The following BICC1 variants were observed in gnomAD, a reference collection of about 807,000 sequenced individuals.
BICC1 encodes the protein protein bicaudal C homolog 1.
In BICC1, 43 loss-of-function variants were observed where a neutral mutation model predicts 111.0. The ratio of observed to expected loss-of-function variants is 0.39; its 90% confidence interval spans 0.30 to 0.50. BICC1 has a LOEUF of 0.50. Among genes scored for constraint, BICC1 ranks in the 20% least tolerant of loss-of-function variants. BICC1 has a pLI of 0.88. For missense variants in BICC1, 1,091 were observed against 1,203.2 expected (o/e 0.91, Z 1.38); for synonymous variants, 467 against 434.4 (o/e 1.07, Z -0.93).
intron 1 of BICC1, among the ~76,000 whole-genome samples, chr10:58,548,615 A>G (rs1028563015): frequency 6.6e-6 from 1 of 152,198 alleles, no homozygotes; most frequent in Non-Finnish European, 1.5e-5. Context: ...TAAAAATCCA[A>G]TGTGCTATAT....
At chr10:58,681,603 A>C (rs1326568289) in intron 2 of BICC1, among the ~76,000 whole-genome samples, 1 of 152,206 alleles carries the variant, frequency 6.6e-6, no homozygotes, top group Non-Finnish European at 1.5e-5. Flanking sequence ...GGGATTCCTC[A>C]AGGATCTAGA....
chr10:58,660,708 T>G lies in BICC1; in HGVS notation c.237+39807T>G, dbSNP rs538471516. 2.6e-5 allele frequency among the ~76,000 whole-genome samples: 4 copies of G among 152,236 alleles called. No homozygotes were observed. The East Asian group carries it at 7.8e-4, about 30-fold the overall frequency. ...GTACCCTCCCATTACCTCCCTTCCT[T>G]GGCTACCAGTCTCATAGGACTGATG... On this transcript the variant is annotated intron_variant, in intron 2 of 20. Transcript: ENST00000373886.
chr10:58,829,171 A>G lies in BICC1; in HGVS notation c.*280A>G, dbSNP rs996087457. ...CTTTATTTCCTGTTTTTATTTACCT[A>G]TATAACATATGCACTGATGATTTTT... On this transcript the variant is annotated 3_prime_UTR_variant, in exon 21 of 21. Transcript: ENST00000373886. The G allele has an allele frequency of 3.9e-5, 7 of 181,208 alleles. No individual in the cohort carries two copies. The highest frequency in any genetic ancestry group is 6.5e-5 in the African/African-American group (2 of 30,536). The allele number at this position is 181,208 out of a possible 1,614,324, so 11.2% of individuals were successfully genotyped here.
At chr10:58,826,169 A>C (rs149444343) in intron 20 of BICC1, among the ~76,000 whole-genome samples, 232 of 152,320 alleles carry the variant, frequency 1.5e-3, no homozygotes, top group African/African-American at 5.4e-3. Context: ...ATTCAAGAAA[A>C]AGCAAAGTCA....
intron 1 of BICC1, among the ~76,000 whole-genome samples, chr10:58,567,756 A>G (rs1406347143): frequency 6.6e-6 from 1 of 152,046 alleles, no homozygotes; most frequent in Non-Finnish European, 1.5e-5. Flanking sequence ...CTTATAATAT[A>G]GCATTTATAA....
chr10:58,621,931 G>GAAC (rs1172075372), intron 2 of BICC1, among the ~76,000 whole-genome samples: 1,032 of 26,384 alleles, frequency 0.039, 329 homozygotes, highest in Non-Finnish European at 0.058. Context: ...GAATAGAATA[G>GAAC]AATAGAATAG....
intron 2 of BICC1, among the ~76,000 whole-genome samples, chr10:58,680,039 C>T (rs376714724): frequency 6.6e-6 from 1 of 152,136 alleles, no homozygotes; most frequent in East Asian, 1.9e-4. Context: ...GAACGTATCT[C>T]AAAATAATGA....
intron 2 of BICC1, among the ~76,000 whole-genome samples, chr10:58,647,570 G>C (rs777584191): frequency 6.6e-6 from 1 of 151,996 alleles, no homozygotes; most frequent in Admixed American, 6.6e-5. Flanking sequence ...TTTCCCCAAG[G>C]TGATTTTTCC....
intron 20 of BICC1, among the ~76,000 whole-genome samples, chr10:58,821,485 G>A (rs191364231): frequency 1.2e-3 from 190 of 152,224 alleles, no homozygotes; most frequent in Admixed American, 2.5e-3. Context: ...TTAGCGGCAT[G>A]TTGAATGCCC....
chr10:58,769,398 G>GTATATATATA (rs1464928653), intron 3 of BICC1, among the ~76,000 whole-genome samples: 17 of 101,640 alleles, frequency 1.7e-4, no homozygotes, highest in African/African-American at 3.3e-4. Context: ...GTGTGTGTGT[G>GTATATATATA]TGTGTGTATA....
intron 2 of BICC1, among the ~76,000 whole-genome samples, chr10:58,677,648 T>C (rs1047381222): frequency 1.3e-5 from 2 of 152,134 alleles, no homozygotes; most frequent in African/African-American, 4.8e-5. Flanking sequence ...AGGAGAACTT[T>C]CCCAACCTAG....
chr10:58,656,923 A>C (rs1422736504), intron 2 of BICC1, among the ~76,000 whole-genome samples: 1 of 152,138 alleles, frequency 6.6e-6, no homozygotes, highest in African/African-American at 2.4e-5. Flanking sequence ...CAATGTCTCC[A>C]TGACTTAGAA....
intron 8 of BICC1, among the ~76,000 whole-genome samples, chr10:58,792,397 A>AG (rs2132825132): frequency 6.6e-6 from 1 of 152,350 alleles, no homozygotes; most frequent in East Asian, 1.9e-4. Context: ...GAGTTAAGGC[A>AG]GGGGTCCTCA....
rs532611731 is a variant in BICC1, at chr10:58,669,920, T to C, written c.238-32154T>C. Among the ~76,000 whole-genome samples the C allele has an allele frequency of 2.0e-5, 3 of 152,296 alleles. No homozygotes were observed. The South Asian group carries it at 6.2e-4, about 32-fold the overall frequency. The stretch of plus-strand genomic sequence containing the variant: ...ATTGCATTGCTCACAAATCCATTAG[T>C]AGTAAACATTCATGAATTCTTAATA... On this transcript the variant is annotated intron_variant, in intron 2 of 20. Transcript: ENST00000373886.
At chr10:58,808,785 G>A (rs528635641) in intron 17 of BICC1, among the ~76,000 whole-genome samples, 72 of 150,296 alleles carry the variant, frequency 4.8e-4, no homozygotes, top group African/African-American at 1.6e-3. Flanking sequence ...GCACGATCTC[G>A]GCTCACGGCA....
intron 2 of BICC1, among the ~76,000 whole-genome samples, chr10:58,676,853 G>A (rs1427752997): frequency 6.6e-6 from 1 of 152,188 alleles, no homozygotes; most frequent in East Asian, 1.9e-4. Flanking sequence ...AGAGGAAGGA[G>A]CAGGCAGTAA....
intron 2 of BICC1, among the ~76,000 whole-genome samples, chr10:58,682,147 T>G (rs1839547146): frequency 6.6e-6 from 1 of 151,982 alleles, no homozygotes; most frequent in Non-Finnish European, 1.5e-5. Flanking sequence ...GATAGTTTGC[T>G]CAGAATGATG....
chr10:58,738,168 C>A (rs1214372362), intron 3 of BICC1, among the ~76,000 whole-genome samples: 1 of 152,174 alleles, frequency 6.6e-6, no homozygotes, highest in Non-Finnish European at 1.5e-5. Flanking sequence ...TTGACCATGC[C>A]TGTGTCCTGA....
At chr10:58,778,249 A>G (rs1842798741) in intron 3 of BICC1, among the ~76,000 whole-genome samples, 1 of 152,108 alleles carries the variant, frequency 6.6e-6, no homozygotes, top group South Asian at 2.1e-4. Context: ...ATTTAATAAG[A>G]TACATAAAGA....
Sources: gnomAD v4.1 joint callset for allele counts (sites outside exome capture counted in the v4.1 genomes callset) on GRCh38, gnomAD v4.1.1 for gene constraint, MANE v1.5 for transcripts, NCBI Gene and HGNC (gene_info 2026-07-23, HGNC 2026-07-21) for gene names.